TBPL2: variants seen among roughly 807,000 people sequenced by gnomAD.
TBPL2 encodes the protein TATA-box binding protein like 2.
In TBPL2, 40 loss-of-function variants were observed where a neutral mutation model predicts 38.2. The observed-to-expected ratio is 1.05, with a 90% CI of 0.81 to 1.36. The LOEUF is 1.36. Among genes scored for constraint, TBPL2 ranks in the 40% most tolerant of loss-of-function variants. The pLI is 0.00. For synonymous variants in TBPL2, 169 were observed against 171.7 expected (o/e 0.98, Z 0.12); for missense variants, 461 against 456.7 (o/e 1.01, Z -0.09).
At chr14:55,440,533 G>A in exon 1 of TBPL2, 1 of 1,605,356 alleles carries the variant, frequency 6.2e-7, no homozygotes. Flanking sequence ...TCCGGCCAGG[G>A]CGCAGAGGCC....
At chr14:55,432,061 A>G (rs956019045) in intron 4 of TBPL2, among the ~76,000 whole-genome samples, 4 of 152,194 alleles carry the variant, frequency 2.6e-5, no homozygotes, top group African/African-American at 9.7e-5. Context: ...GTAGAAAACA[A>G]AGAAAAAAAT....
At chr14:55,422,390 C>T (rs576879472) in intron 6 of TBPL2, among the ~76,000 whole-genome samples, 15 of 152,286 alleles carry the variant, frequency 9.8e-5, no homozygotes, top group African/African-American at 1.9e-4. Context: ...GGATTACAGG[C>T]GCTTGCCACT....
intron 4 of TBPL2, among the ~76,000 whole-genome samples, chr14:55,429,541 C>T (rs950140747): frequency 1.3e-5 from 2 of 152,098 alleles, no homozygotes; most frequent in African/African-American, 4.8e-5. Flanking sequence ...AGGCAGGCAG[C>T]TCACCTGAGG....
intron 6 of TBPL2, among the ~76,000 whole-genome samples, chr14:55,420,494 A>G (rs1173375675): frequency 1.3e-5 from 2 of 151,730 alleles, no homozygotes; most frequent in African/African-American, 4.8e-5. Flanking sequence ...TAGCATGAAC[A>G]GGTAAAACGC....
chr14:55,429,318 T>G (rs910913637), intron 4 of TBPL2, among the ~76,000 whole-genome samples: 1 of 152,238 alleles, frequency 6.6e-6, no homozygotes, highest in Non-Finnish European at 1.5e-5. Flanking sequence ...TGGGAACTTG[T>G]TAGAAATGCA....
At chr14:55,424,069 A>G (rs1012736287) in intron 6 of TBPL2, 90 bp downstream of exon 6, 1 of 873,052 alleles carries the variant, frequency 1.1e-6, no homozygotes, top group Middle Eastern at 2.4e-4. Context: ...GAATTACTTT[A>G]CCATGGTGAA....
At chr14:55,436,725 G>A (rs751895410) in exon 2 of TBPL2, 2 of 1,614,218 alleles carry the variant, frequency 1.2e-6, no homozygotes, top group South Asian at 2.2e-5. Context: ...ACAAACTGCT[G>A]CTGTTTAAGC....
chr14:55,439,614 A>AC (rs576819393), intron 1 of TBPL2, among the ~76,000 whole-genome samples: 10,631 of 84,554 alleles, frequency 0.13, 1,695 homozygotes, highest in African/African-American at 0.23. Context: ...AGAAAAGCAA[A>AC]CCCCCCCCCG....
exon 3 of TBPL2, chr14:55,435,881 G>A: frequency 6.4e-7 from 1 of 1,572,936 alleles, no homozygotes; most frequent in Middle Eastern, 1.7e-4. Flanking sequence ...TGCATGCAAA[G>A]CTATTTTCTT....
At chr14:55,435,924 A>T (rs1245783734) in exon 3 of TBPL2, 1 of 1,575,910 alleles carries the variant, frequency 6.3e-7, no homozygotes, top group East Asian at 2.3e-5. Flanking sequence ...TTTACAGTGG[A>T]AACTATATTC....
Position 55,418,086 on chromosome 14 carries a change from T to C in TBPL2, c.1052-3631A>G, listed in dbSNP as rs1159640811. On this transcript the variant is annotated intron_variant, in intron 6 of 6. Transcript: ENST00000247219. ...GCCATTTTATTACCCTAGAGGAATA[T>C]ACTTCCAGCTTAGGGACATTGGCAT... Among the ~76,000 whole-genome samples, 5 of 152,240 alleles carry C rather than the reference T, an allele frequency of 3.3e-5. No homozygotes were observed. The South Asian group carries it at 1.0e-3, about 31-fold the overall frequency.
chr14:55,418,464 A>T (rs1025922426), intron 6 of TBPL2, among the ~76,000 whole-genome samples: 1 of 152,224 alleles, frequency 6.6e-6, no homozygotes, highest in Non-Finnish European at 1.5e-5. Context: ...TCAAAACCTT[A>T]CAAGTTTGTA....
intron 1 of TBPL2, among the ~76,000 whole-genome samples, chr14:55,439,930 CA>C (rs71131272): frequency 0.18 from 7,004 of 39,112 alleles, 509 homozygotes; most frequent in Middle Eastern, 0.29. Flanking sequence ...GACTCTGTCT[CA>C]AAAAAAAAAA....
intron 5 of TBPL2, among the ~76,000 whole-genome samples, chr14:55,425,950 A>G (rs1217467132): frequency 6.6e-6 from 1 of 152,210 alleles, no homozygotes; most frequent in Non-Finnish European, 1.5e-5. Context: ...GCAAGTATTT[A>G]TATCAGGATA....
chr14:55,436,179 C>G (rs987910395), intron 2 of TBPL2, among the ~76,000 whole-genome samples: 2 of 151,990 alleles, frequency 1.3e-5, no homozygotes, highest in African/African-American at 4.8e-5. Context: ...TTTTTCAAAA[C>G]AATGCCTCAA....
intron 6 of TBPL2, among the ~76,000 whole-genome samples, chr14:55,419,660 A>G (rs1399723044): frequency 1.3e-5 from 2 of 152,190 alleles, no homozygotes; most frequent in Non-Finnish European, 2.9e-5. Context: ...AACCTTAGAC[A>G]TGGTGGCTGT....
chr14:55,428,682 C>G, intron 5 of TBPL2, 125 bp downstream of exon 5: 2 of 1,044,906 alleles, frequency 1.9e-6, no homozygotes, highest in South Asian at 1.7e-5. Context: ...AATCTTTTCA[C>G]TATTGTGTCC....
exon 1 of TBPL2, chr14:55,440,574 C>T (rs762980961): frequency 2.2e-5 from 34 of 1,559,786 alleles, no homozygotes; most frequent in Non-Finnish European, 2.9e-5. Flanking sequence ...CGAGGCGGGG[C>T]GGCCCTCGGC....
At chr14:55,439,978 A>T (rs11158039) in intron 1 of TBPL2, among the ~76,000 whole-genome samples, 73,496 of 143,490 alleles carry the variant, frequency 0.51, 19,109 homozygotes, top group East Asian at 0.64. Context: ...CGTGTGCCTG[A>T]AATCCCAGCT....
Sources: gnomAD v4.1 joint callset for allele counts (sites outside exome capture counted in the v4.1 genomes callset) on GRCh38, gnomAD v4.1.1 for gene constraint, MANE v1.5 for transcripts, NCBI Gene and HGNC (gene_info 2026-07-23, HGNC 2026-07-21) for gene names.